The following PRUNE2 variants were observed in gnomAD, a reference collection of about 807,000 sequenced individuals.
PRUNE2 encodes the protein protein prune homolog 2.
Under a neutral mutation model 252.0 loss-of-function variants are expected in PRUNE2, and 164 were observed. That is an observed-to-expected ratio of 0.65 (90% CI 0.57 to 0.74). PRUNE2 has a LOEUF of 0.74. Ranked by LOEUF, PRUNE2 falls within the 30% of genes least tolerant of loss-of-function variation. PRUNE2 has a pLI of 0.00. For missense variants in PRUNE2, 3,495 were observed against 3,711.0 expected, an observed-to-expected ratio of 0.94 and a Z score of 1.51; for synonymous variants, 1,292 against 1,350.2, an observed-to-expected ratio of 0.96 and a Z score of 0.94.
Position 76,614,379 on chromosome 9 carries a change from T to C in PRUNE2, c.*191A>G, listed in dbSNP as rs1199615301. ...TCTTTGAGGCACATAATTGGCAAAA[T>C]AGGAAAGTACACACAATTTCATAAA... On this transcript the variant is annotated 3_prime_UTR_variant, in exon 19 of 19. Coordinates refer to ENST00000376718, the MANE Select transcript of PRUNE2 (RefSeq NM_015225.3). 3 of 608,504 alleles carry C rather than the reference T, an allele frequency of 4.9e-6. No individual in the cohort carries two copies. The highest frequency in any genetic ancestry group is 8.7e-6 in the Non-Finnish European group (3 of 346,180). The allele number at this position is 608,504 out of a possible 1,614,324, so 37.7% of individuals were successfully genotyped here. A position where few individuals can be genotyped will look rare whatever the true frequency, so the allele number is the denominator to read the frequency against.
intron 11 of PRUNE2, 181 bp from the exon 12 acceptor site, chr9:76,645,090 A>G: frequency 1.8e-6 from 1 of 562,596 alleles, no homozygotes. Flanking sequence ...GCTTAGCACT[A>G]TCCTGACCAT....
rs1182448316 is a variant in PRUNE2 at position 76,709,125 on chromosome 9, A to G, written c.3149T>C (p.Leu1050Pro). ...NSSEINTTHN[L>P]DENELKTEHT... ...CTCTGTCTTGAGTTCATTTTCATCC[A>G]GGTTGTGAGTGGTATTTATTTCAGA... Residue 1050 changes from leucine to proline, a missense_variant, in exon 8 of 19, where the codon CTG (leucine) becomes CCG (proline). By Grantham distance (98) the Leu-to-Pro change is moderately conservative. Coordinates refer to ENST00000376718, the MANE Select transcript of PRUNE2 (RefSeq NM_015225.3). 2.5e-6 allele frequency: 4 copies of G among 1,613,860 alleles called. No homozygotes were observed. Among genetic ancestry groups the G allele is most frequent in the Non-Finnish European group, 2.5e-6 (3 of 1,179,870 alleles).
At chr9:76,874,167 G>A (rs1205688967) in intron 1 of PRUNE2, among the ~76,000 whole-genome samples, 2 of 152,066 alleles carry the variant, frequency 1.3e-5, no homozygotes, top group East Asian at 1.9e-4. Flanking sequence ...AAAGGAAGGA[G>A]AACTGACTGT....
At chr9:76,859,555 A>T (rs1201133916) in intron 1 of PRUNE2, among the ~76,000 whole-genome samples, 1 of 152,150 alleles carries the variant, frequency 6.6e-6, no homozygotes, top group Non-Finnish European at 1.5e-5. Context: ...CCCACTGCCC[A>T]GAAAAACCAA....
At chr9:76,757,115 T>G (rs2051231065) in intron 6 of PRUNE2, among the ~76,000 whole-genome samples, 2 of 152,226 alleles carry the variant, frequency 1.3e-5, no homozygotes, top group Admixed American at 1.3e-4. Context: ...AACAGCTGTT[T>G]GTTGATACAA....
chr9:76,905,251 T>C (rs951349353), intron 1 of PRUNE2, among the ~76,000 whole-genome samples: 5 of 152,218 alleles, frequency 3.3e-5, no homozygotes, highest in African/African-American at 7.2e-5. Flanking sequence ...ATTCACTGTT[T>C]GGACAGTGAT....
In PRUNE2 at chr9:76,709,052, G is replaced by C. The variant is rs373843577; in HGVS notation, c.3222C>G (p.Ser1074Arg). 1.6e-5 allele frequency: 26 copies of C among 1,613,938 alleles called. No homozygotes were observed. In the African/African-American group the frequency reaches 3.3e-4, roughly 21 times the overall value. The stretch of plus-strand genomic sequence containing the variant: ...TGGGGTCGTCGTAACTGGACTGGCT[G>C]CTTTCCCCGACGTCATCCTCCATGG... ...NISMEDDVGE[S>R]SQSSYDDPSM... The change falls in exon 8 of 19, where the codon AGC (serine) becomes AGG (arginine). Residue 1074 changes from serine to arginine, a missense_variant. Coordinates refer to ENST00000376718, the MANE Select transcript of PRUNE2 (RefSeq NM_015225.3).
intron 6 of PRUNE2, among the ~76,000 whole-genome samples, chr9:76,733,378 GATTCATTC>G (rs34956717): frequency 0.1 from 15,356 of 148,948 alleles, 890 homozygotes; most frequent in Non-Finnish European, 0.13. Context: ...ATAAACCACA[GATTCATTC>G]ATTCATTCAT....
At chr9:76,640,591 C>T (rs1842160711) in intron 12 of PRUNE2, among the ~76,000 whole-genome samples, 2 of 152,104 alleles carry the variant, frequency 1.3e-5, no homozygotes, top group African/African-American at 4.8e-5. Flanking sequence ...CCATCTTTTC[C>T]AATATGCAGG....
chr9:76,886,572 G>A (rs770740318), intron 1 of PRUNE2, among the ~76,000 whole-genome samples: 71 of 152,144 alleles, frequency 4.7e-4, no homozygotes, highest in Non-Finnish European at 8.4e-4. Flanking sequence ...TTCTGCCCTT[G>A]CTTGGAATTT....
chr9:76,838,466 A>G (rs7850791), intron 4 of PRUNE2, among the ~76,000 whole-genome samples: 99,186 of 151,386 alleles, frequency 0.66, 32,717 homozygotes, highest in Non-Finnish European at 0.71. Context: ...CCAATATGGC[A>G]AAACCCCATC....
chr9:76,772,343 T>A (rs1254306414), intron 6 of PRUNE2, among the ~76,000 whole-genome samples: 1 of 152,170 alleles, frequency 6.6e-6, no homozygotes, highest in Non-Finnish European at 1.5e-5. Flanking sequence ...ATTTTAATTT[T>A]TTTTTTAAAT....
At chr9:76,739,340 A>C (rs989967722) in intron 6 of PRUNE2, 1 of 152,066 alleles carries the variant, frequency 6.6e-6, no homozygotes, top group African/African-American at 2.4e-5. Context: ...TGACAGCCTC[A>C]AGCTCTCGGT....
chr9:76,700,631 TG>T (rs1188597764), intron 9 of PRUNE2, among the ~76,000 whole-genome samples: 3 of 152,214 alleles, frequency 2.0e-5, no homozygotes, highest in African/African-American at 7.2e-5. Flanking sequence ...TTTATAACTT[TG>T]TTGGTATAAA....
chr9:76,709,330 C>A lies in PRUNE2; in HGVS notation c.2944G>T (p.Glu982Ter), dbSNP rs118189322. 6.2e-7 allele frequency: 1 copy of A among 1,613,842 alleles called. No homozygotes were observed. The highest frequency in any genetic ancestry group is 8.5e-7 in the Non-Finnish European group (1 of 1,179,882). Residue 982 changes from glutamate to a stop codon, truncating the protein, a stop_gained, in exon 8 of 19, where the codon GAA (glutamate) becomes TAA (stop). Transcript: ENST00000376718. LOFTEE classifies it high-confidence loss of function. ...AATGGCTTGTGTTCAGTTTCCTTTTCGTCTCCAGCAAATGTTGGTGATGTG... is the reference window on the plus strand; with the variant it reads ...AATGGCTTGTGTTCAGTTTCCTTTTAGTCTCCAGCAAATGTTGGTGATGTG... Reference protein sequence around the residue: ...SYTSPTFAGDEKETEHKPFAK... With the variant: ...SYTSPTFAGD
intron 6 of PRUNE2, among the ~76,000 whole-genome samples, chr9:76,743,469 A>G (rs1004311482): frequency 2.0e-5 from 3 of 152,090 alleles, no homozygotes; most frequent in African/African-American, 7.2e-5. Flanking sequence ...CCGTCCCTCT[A>G]TGGGGAACAG....
chr9:76,731,292 A>C (rs11145030), intron 6 of PRUNE2, among the ~76,000 whole-genome samples: 8,513 of 98,878 alleles, frequency 0.086, 851 homozygotes, highest in African/African-American at 0.31. Flanking sequence ...CTATCTATCT[A>C]TCTATCTATC....
intron 3 of PRUNE2, among the ~76,000 whole-genome samples, chr9:76,850,141 C>T (rs1354513087): frequency 1.3e-5 from 2 of 151,912 alleles, no homozygotes; most frequent in African/African-American, 4.8e-5. Flanking sequence ...CTCTGCCTCC[C>T]GGGTTCAGGC....
At chr9:76,616,957 A>AAAATAAAT (rs200860262) in intron 18 of PRUNE2, among the ~76,000 whole-genome samples, 5,247 of 151,374 alleles carry the variant, frequency 0.035, 240 homozygotes, top group East Asian at 0.1. Context: ...GGGCTATTTA[A>AAAATAAAT]AAATAAATAA....
Sources: allele counts gnomAD v4.1 joint callset (sites outside exome capture counted in the v4.1 genomes callset), GRCh38; gene constraint gnomAD v4.1.1; transcripts MANE v1.5; gene names NCBI Gene and HGNC (gene_info 2026-07-23, HGNC 2026-07-21).